The following AOAH variants were observed in gnomAD, a reference collection of about 807,000 sequenced individuals.
AOAH encodes acyloxyacyl hydrolase, also known as acyloxyacyl hydrolase (neutrophil).
In AOAH, 64 loss-of-function variants were observed where a neutral mutation model predicts 92.2. That is an observed-to-expected ratio of 0.69 (90% CI 0.57 to 0.86). AOAH has a LOEUF of 0.86. Among genes scored for constraint, AOAH ranks in the 40% least tolerant of loss-of-function variants. The pLI is 0.00. For missense variants in AOAH, 656 were observed against 694.6 expected (o/e 0.94, Z 0.62); for synonymous variants, 263 against 254.5 (o/e 1.03, Z -0.32).
At chr7:36,716,156 G>GCTGT (rs1799155086) in intron 1 of AOAH, among the ~76,000 whole-genome samples, 1 of 152,182 alleles carries the variant, frequency 6.6e-6, no homozygotes, top group South Asian at 2.1e-4. Flanking sequence ...CCATCAAAAA[G>GCTGT]TGGGCAAAGG....
chr7:36,605,981 G>A (rs904429004), intron 11 of AOAH, among the ~76,000 whole-genome samples: 19 of 152,172 alleles, frequency 1.2e-4, no homozygotes, highest in Admixed American at 3.9e-4. Context: ...TCTTTAATCC[G>A]CTAGCCTGCA....
chr7:36,616,562 T>A, intron 10 of AOAH, 88 bp from the exon 11 acceptor site: 1 of 1,065,280 alleles, frequency 9.4e-7, no homozygotes, highest in Non-Finnish European at 1.4e-6. Flanking sequence ...GATACCCTAG[T>A]GTGTATTCCA....
At chr7:36,549,600 C>A in intron 13 of AOAH, 125 bp from the exon 14 acceptor site, 2 of 643,668 alleles carry the variant, frequency 3.1e-6, no homozygotes, top group East Asian at 2.7e-5. Flanking sequence ...TTGTTCTGAC[C>A]AACACATTGA....
rs530501395 is a variant in AOAH at position 36,716,571 on chromosome 7, C to G, written c.127+7451G>C. The stretch of plus-strand genomic sequence containing the variant: ...CACAATAGCAAAGACTTGGAACCAA[C>G]CCAAATGTCCAACAATGATAGACTG... On this transcript the variant is annotated intron_variant, in intron 1 of 20. Transcript: ENST00000617537. Among the ~76,000 whole-genome samples the G allele has an allele frequency of 1.3e-5, 2 of 148,930 alleles. 1 individual carries two copies. Among genetic ancestry groups the G allele is most frequent in the Non-Finnish European group, 3.0e-5 (2 of 67,708 alleles).
chr7:36,687,029 T>A (rs775728425), intron 1 of AOAH, among the ~76,000 whole-genome samples: 1 of 152,182 alleles, frequency 6.6e-6, no homozygotes, highest in Non-Finnish European at 1.5e-5. Context: ...TTCTCTCCTT[T>A]CTGCAGTAGA....
At chr7:36,673,892 C>T in intron 3 of AOAH, 51 bp downstream of exon 3, 3 of 1,333,942 alleles carry the variant, frequency 2.2e-6, no homozygotes, top group Non-Finnish European at 3.2e-6. Flanking sequence ...TTTTCTTGTT[C>T]CTCCCATGTC....
chr7:36,702,686 T>C (rs1410272910), intron 1 of AOAH, among the ~76,000 whole-genome samples: 2 of 152,212 alleles, frequency 1.3e-5, no homozygotes, highest in African/African-American at 4.8e-5. Context: ...TTGCTAGAGA[T>C]CATCTGAGCC....
At chr7:36,625,663 C>T (rs1792612539) in intron 6 of AOAH, among the ~76,000 whole-genome samples, 2 of 152,188 alleles carry the variant, frequency 1.3e-5, no homozygotes, top group South Asian at 4.1e-4. Context: ...TGAGAACCAG[C>T]CTTGGGGAAG....
chr7:36,705,032 A>G (rs1450572975), intron 1 of AOAH, among the ~76,000 whole-genome samples: 1 of 152,202 alleles, frequency 6.6e-6, no homozygotes, highest in Non-Finnish European at 1.5e-5. Flanking sequence ...CCCACAGCCA[A>G]TATCATACTG....
At chr7:36,518,388 A>G (rs1783935799) in intron 20 of AOAH, among the ~76,000 whole-genome samples, 1 of 152,100 alleles carries the variant, frequency 6.6e-6, no homozygotes, top group Non-Finnish European at 1.5e-5. Context: ...TTGTATTTTT[A>G]GTAGATGGGG....
intron 19 of AOAH, among the ~76,000 whole-genome samples, chr7:36,522,521 T>A (rs565632611): frequency 1.3e-5 from 2 of 152,228 alleles, no homozygotes; most frequent in Non-Finnish European, 2.9e-5. Context: ...TCTGCCTGCA[T>A]GTGTCAAGCA....
intron 3 of AOAH, among the ~76,000 whole-genome samples, chr7:36,664,521 T>C (rs1795422356): frequency 6.6e-6 from 1 of 152,246 alleles, no homozygotes; most frequent in African/African-American, 2.4e-5. Flanking sequence ...ACTGTAGCTT[T>C]GTAGTAAGCC....
chr7:36,608,160 G>C (rs932366752), intron 11 of AOAH, among the ~76,000 whole-genome samples: 1 of 152,182 alleles, frequency 6.6e-6, no homozygotes, highest in Admixed American at 6.5e-5. Flanking sequence ...CATTCCCCAT[G>C]GGGGTGTCCA....
At chr7:36,718,827 G>A (rs373759203) in intron 1 of AOAH, among the ~76,000 whole-genome samples, 2 of 152,052 alleles carry the variant, frequency 1.3e-5, no homozygotes, top group East Asian at 3.9e-4. Flanking sequence ...TTGGATTTTT[G>A]GGGGGAGCAG....
At chr7:36,719,795 G>C (rs1799501439) in intron 1 of AOAH, among the ~76,000 whole-genome samples, 1 of 152,070 alleles carries the variant, frequency 6.6e-6, no homozygotes, top group Middle Eastern at 3.2e-3. Context: ...AATTAGGCAG[G>C]CATGGTGGTG....
At chr7:36,654,301 C>T (rs1375145683) in intron 4 of AOAH, among the ~76,000 whole-genome samples, 1 of 152,200 alleles carries the variant, frequency 6.6e-6, no homozygotes, top group African/African-American at 2.4e-5. Context: ...TCTCTTCCTC[C>T]TTTTCTCCTC....
chr7:36,569,685 A>G (rs1020758570), intron 13 of AOAH, among the ~76,000 whole-genome samples: 3 of 151,814 alleles, frequency 2.0e-5, no homozygotes, highest in Non-Finnish European at 4.4e-5. Context: ...ATCTCAGCTC[A>G]CTGCAACCTC....
chr7:36,712,500 TG>T (rs1798834631), intron 1 of AOAH, among the ~76,000 whole-genome samples: 1 of 152,162 alleles, frequency 6.6e-6, no homozygotes, highest in Non-Finnish European at 1.5e-5. Context: ...AGAAATGTTT[TG>T]CAAAAATTAA....
intron 1 of AOAH, among the ~76,000 whole-genome samples, chr7:36,699,099 C>G (rs529912990): frequency 5.3e-5 from 8 of 151,978 alleles, no homozygotes; most frequent in African/African-American, 1.9e-4. Flanking sequence ...AATATAGGAA[C>G]CTCCAGTTAC....
Sources: allele counts gnomAD v4.1 joint callset (sites outside exome capture counted in the v4.1 genomes callset), GRCh38; gene constraint gnomAD v4.1.1; transcripts MANE v1.5; gene names NCBI Gene and HGNC (gene_info 2026-07-23, HGNC 2026-07-21).